Variants in RBFOX1 observed in about 807,000 individuals in gnomAD.
RBFOX1 encodes RNA binding fox-1 homolog 1.
Under a neutral mutation model 57.7 loss-of-function variants are expected in RBFOX1, and 8 were observed. The observed-to-expected ratio is 0.14, with a 90% CI of 0.08 to 0.25. The LOEUF (loss-of-function observed/expected upper bound fraction) is 0.25, where lower values mean the gene tolerates loss of function less well. Ranked by LOEUF, RBFOX1 falls within the 10% of genes least tolerant of loss-of-function variation. The pLI is 1.00. For synonymous variants in RBFOX1, 326 were observed against 222.4 expected (o/e 1.47, Z -4.15); for missense variants, 611 against 548.5 (o/e 1.11, Z -1.14).
intron 3 of RBFOX1, among the ~76,000 whole-genome samples, chr16:6,965,195 G>A (rs561334557): frequency 6.6e-6 from 1 of 152,092 alleles, no homozygotes; most frequent in Non-Finnish European, 1.5e-5. Flanking sequence ...GGGAGAGGTG[G>A]GTGGTGTAAA....
At chr16:7,500,067 C>G (rs138236272) in intron 4 of RBFOX1, among the ~76,000 whole-genome samples, 1 of 152,078 alleles carries the variant, frequency 6.6e-6, no homozygotes, top group Non-Finnish European at 1.5e-5. Flanking sequence ...AGCTGCAACC[C>G]ACTGGGCTCA....
chr16:6,401,054 T>C (rs2093048846), intron 2 of RBFOX1, among the ~76,000 whole-genome samples: 1 of 152,164 alleles, frequency 6.6e-6, no homozygotes, highest in South Asian at 2.1e-4. Flanking sequence ...GATCTTGGTT[T>C]CTAAATATCA....
intron 3 of RBFOX1, among the ~76,000 whole-genome samples, chr16:6,932,097 G>GT (rs1275946611): frequency 5.9e-5 from 9 of 151,986 alleles, no homozygotes; most frequent in Non-Finnish European, 1.2e-4. Context: ...TGTTGTTGTT[G>GT]TTTTTTGTTG....
chr16:7,386,224 A>C (rs2097878166), intron 4 of RBFOX1, among the ~76,000 whole-genome samples: 2 of 152,124 alleles, frequency 1.3e-5, no homozygotes. Context: ...TTCTCACTAA[A>C]GTGCTTGAAG....
intron 4 of RBFOX1, among the ~76,000 whole-genome samples, chr16:7,289,991 T>G (rs1568052929): frequency 6.6e-6 from 1 of 152,190 alleles, no homozygotes; most frequent in Non-Finnish European, 1.5e-5. Flanking sequence ...AATAAGCTCT[T>G]TTAATTCTTA....
At chr16:7,561,549 T>C (rs1473176118) in intron 5 of RBFOX1, among the ~76,000 whole-genome samples, 1 of 152,240 alleles carries the variant, frequency 6.6e-6, no homozygotes, top group East Asian at 1.9e-4. Flanking sequence ...GTGACAGGAT[T>C]CTTTCACTGT....
chr16:7,132,902 A>G (rs2070906972), intron 4 of RBFOX1, among the ~76,000 whole-genome samples: 2 of 152,222 alleles, frequency 1.3e-5, no homozygotes, highest in Admixed American at 1.3e-4. Context: ...ATATGTGCAT[A>G]AAAATTGTGC....
intron 3 of RBFOX1, among the ~76,000 whole-genome samples, chr16:7,009,386 A>G (rs2093536331): frequency 6.6e-6 from 1 of 151,528 alleles, no homozygotes; most frequent in Admixed American, 6.6e-5. Flanking sequence ...CCTTAAAATG[A>G]AAAAAATGTC....
At chr16:5,846,342 C>G (rs1433890037) in intron 3 of RBFOX1, among the ~76,000 whole-genome samples, 1 of 152,022 alleles carries the variant, frequency 6.6e-6, no homozygotes, top group Admixed American at 6.6e-5. Flanking sequence ...ATTCTTAACA[C>G]AGTGGGAAAG....
At chr16:5,295,742 T>A (rs1318753807) in intron 1 of RBFOX1, among the ~76,000 whole-genome samples, 1 of 152,138 alleles carries the variant, frequency 6.6e-6, no homozygotes, top group East Asian at 1.9e-4. Context: ...TCCCATCACC[T>A]CTGCCATATG....
rs148304625 is a variant in RBFOX1 at position 7,470,710 on chromosome 16, G to A, written c.28-47437G>A. ...AGAGTGGATGAATATATAGATGGGG[G>A]GAAAGATGAATATATCCAGAGGATG... On this transcript the variant is annotated intron_variant, in intron 4 of 15. Transcript: ENST00000550418. Among the ~76,000 whole-genome samples, 66 of 152,064 alleles carry A rather than the reference G, an allele frequency of 4.3e-4. No individual in the cohort carries two copies. The East Asian group carries it at 9.5e-3, about 22-fold the overall frequency.
chr16:5,439,378 T>C (rs2068014357), intron 1 of RBFOX1, among the ~76,000 whole-genome samples: 1 of 152,138 alleles, frequency 6.6e-6, no homozygotes, highest in African/African-American at 2.4e-5. Flanking sequence ...TTTATATTTT[T>C]AAAAGATGAT....
chr16:6,167,383 C>T (rs998523985), intron 1 of RBFOX1, among the ~76,000 whole-genome samples: 1 of 152,212 alleles, frequency 6.6e-6, no homozygotes, highest in Non-Finnish European at 1.5e-5. Context: ...AAGCTGAGAG[C>T]ACTTACCTGG....
At chr16:7,408,704 G>C (rs2098387064) in intron 4 of RBFOX1, among the ~76,000 whole-genome samples, 1 of 152,144 alleles carries the variant, frequency 6.6e-6, no homozygotes. Flanking sequence ...TTTTGTTATA[G>C]GTAGACATCC....
At chr16:6,545,011 G>A (rs886948850) in intron 2 of RBFOX1, among the ~76,000 whole-genome samples, 1 of 152,202 alleles carries the variant, frequency 6.6e-6, no homozygotes, top group African/African-American at 2.4e-5. Context: ...TTTTTTTATA[G>A]GCTGACCATC....
chr16:5,628,040 A>G (rs1010435157), intron 3 of RBFOX1, among the ~76,000 whole-genome samples: 5 of 152,212 alleles, frequency 3.3e-5, no homozygotes, highest in African/African-American at 1.2e-4. Flanking sequence ...AATTCCTTAT[A>G]TTTTGAATAT....
intron 13 of RBFOX1, among the ~76,000 whole-genome samples, chr16:7,671,901 G>A (rs1376871137): frequency 2.0e-5 from 3 of 152,190 alleles, no homozygotes; most frequent in Non-Finnish European, 2.9e-5. Flanking sequence ...TGTGTCAAAT[G>A]GTGGTCTAGC....
At chr16:6,536,213 A>G (rs1048297243) in intron 2 of RBFOX1, among the ~76,000 whole-genome samples, 14 of 152,254 alleles carry the variant, frequency 9.2e-5, no homozygotes, top group Admixed American at 2.6e-4. Flanking sequence ...ATCTTGAATT[A>G]TAAACTTACT....
At chr16:7,435,373 T>C (rs541105684) in intron 4 of RBFOX1, among the ~76,000 whole-genome samples, 1 of 152,062 alleles carries the variant, frequency 6.6e-6, no homozygotes, top group Non-Finnish European at 1.5e-5. Flanking sequence ...TATCACACCA[T>C]GTCAGTGGTA....
Sources: allele counts gnomAD v4.1 joint callset (sites outside exome capture counted in the v4.1 genomes callset), GRCh38; gene constraint gnomAD v4.1.1; transcripts MANE v1.5; gene names NCBI Gene and HGNC (gene_info 2026-07-23, HGNC 2026-07-21).